Variants in ZNF676 observed in about 807,000 individuals in gnomAD.
ZNF676 encodes zinc finger protein 676.
In ZNF676, 4 loss-of-function variants were observed where a neutral mutation model predicts 6.0. The ratio of observed to expected loss-of-function variants is 0.67; its 90% confidence interval spans 0.33 to 1.53. The LOEUF (loss-of-function observed/expected upper bound fraction) is 1.53. ZNF676 is among the 40% of genes most tolerant of loss of function. The pLI is 0.06. For missense variants in ZNF676, 644 were observed against 679.7 expected (o/e 0.95, Z 0.58); for synonymous variants, 198 against 223.1 (o/e 0.89, Z 1.00).
intron 1 of ZNF676, among the ~76,000 whole-genome samples, chr19:22,194,633 T>A (rs1406679182): frequency 6.6e-6 from 1 of 152,092 alleles, no homozygotes; most frequent in Admixed American, 6.6e-5. Context: ...CAGGATTCTG[T>A]CCTCGCTGTA....
In ZNF676 at chr19:22,196,824, T is replaced by C; in HGVS notation, c.-191A>G. On this transcript the variant is annotated 5_prime_UTR_variant, in exon 1 of 3. Coordinates refer to ENST00000397121, the MANE Select transcript of ZNF676 (RefSeq NM_001001411.3). ...AATGGAGAGAGTAGAGAGAGCTGGT[T>C]CTGACTTATATGAATGACTGAAATT... 8.9e-7 allele frequency: 1 copy of C among 1,121,404 alleles called. No individual in the cohort carries two copies. The highest frequency in any genetic ancestry group is 1.3e-6 in the Non-Finnish European group (1 of 767,824). The allele number at this position is 1,121,404 out of a possible 1,614,324, so 69.5% of individuals were successfully genotyped here. A position where few individuals can be genotyped will look rare whatever the true frequency, so the allele number is the denominator to read the frequency against.
the ZNF676 span, among the ~76,000 whole-genome samples, chr19:22,228,879 T>C: frequency 6.6e-6 from 1 of 152,132 alleles, no homozygotes. Flanking sequence ...TGGAAGAACA[T>C]TCCATGCTCA....
At chr19:22,205,227 A>G (rs2024065116) in intron 1 of ZNF676, among the ~76,000 whole-genome samples, 1 of 152,190 alleles carries the variant, frequency 6.6e-6, no homozygotes, top group Non-Finnish European at 1.5e-5. Context: ...TACATCTCAC[A>G]GGCACTAATG....
intron 1 of ZNF676, among the ~76,000 whole-genome samples, chr19:22,202,127 G>A (rs1471404476): frequency 2.6e-5 from 4 of 152,006 alleles, no homozygotes; most frequent in African/African-American, 9.7e-5. Flanking sequence ...AGCAGCAGGT[G>A]GTATCTGAAT....
the ZNF676 span, among the ~76,000 whole-genome samples, chr19:22,254,829 A>G: frequency 3.3e-5 from 5 of 152,198 alleles, no homozygotes; most frequent in Non-Finnish European, 5.9e-5. Flanking sequence ...CCCTCTGTGG[A>G]AAGTGCTAAG....
At chr19:22,242,448 G>A in the ZNF676 span, among the ~76,000 whole-genome samples, 2 of 151,960 alleles carry the variant, frequency 1.3e-5, no homozygotes, top group African/African-American at 4.9e-5. Flanking sequence ...TATTTCTTGG[G>A]TCATGATGCA....
the ZNF676 span, among the ~76,000 whole-genome samples, chr19:22,251,809 G>T: frequency 6.0e-5 from 9 of 148,816 alleles, no homozygotes; most frequent in African/African-American, 2.0e-4. Flanking sequence ...AAAAAATCCG[G>T]ATCACTAATC....
chr19:22,229,788 A>C, the ZNF676 span, among the ~76,000 whole-genome samples: 2 of 152,222 alleles, frequency 1.3e-5, no homozygotes, highest in Admixed American at 1.3e-4. Flanking sequence ...GTAAATCAAA[A>C]TCACAATGAG....
chr19:22,246,011 G>T, the ZNF676 span, among the ~76,000 whole-genome samples: 1 of 152,068 alleles, frequency 6.6e-6, no homozygotes, highest in South Asian at 2.1e-4. Flanking sequence ...CTAGGTGTTT[G>T]TCTCAGCCAT....
At chr19:22,208,242 G>C (rs991548738) in intron 1 of ZNF676, among the ~76,000 whole-genome samples, 1 of 143,890 alleles carries the variant, frequency 6.9e-6, no homozygotes, top group Non-Finnish European at 1.5e-5. Context: ...ACTAAAACAA[G>C]TTTACAAGAA....
At chr19:22,200,560 G>A (rs2360002), upstream of ZNF676, among the ~76,000 whole-genome samples, 52,120 of 137,266 alleles carry the variant, frequency 0.38, 9,919 homozygotes, top group African/African-American at 0.43. Context: ...ACTTTGTTGC[G>A]GAGGCTGGAG....
upstream of ZNF676, among the ~76,000 whole-genome samples, chr19:22,219,861 G>A (rs2024229995): frequency 6.6e-6 from 1 of 151,894 alleles, no homozygotes; most frequent in Admixed American, 6.6e-5. Context: ...CACCATGTTG[G>A]CCAAGCTGAT....
the ZNF676 span, among the ~76,000 whole-genome samples, chr19:22,253,421 A>ATAT: frequency 1.8e-5 from 1 of 55,030 alleles, no homozygotes; most frequent in South Asian, 9.2e-4. Flanking sequence ...TATATATGAT[A>ATAT]ATGTATATAT....
At chr19:22,197,688 C>G (rs548308811), upstream of ZNF676, among the ~76,000 whole-genome samples, 1 of 152,140 alleles carries the variant, frequency 6.6e-6, no homozygotes, top group East Asian at 1.9e-4. Context: ...GGGCAGCTGT[C>G]AGATTAAATG....
intron 1 of ZNF676, among the ~76,000 whole-genome samples, chr19:22,206,970 A>G (rs2024083119): frequency 6.6e-6 from 1 of 152,210 alleles, no homozygotes; most frequent in Non-Finnish European, 1.5e-5. Context: ...ATCTATGACA[A>G]ATCCACAGCC....
At chr19:22,205,561 T>G (rs2024069162) in intron 1 of ZNF676, among the ~76,000 whole-genome samples, 1 of 152,160 alleles carries the variant, frequency 6.6e-6, no homozygotes, top group South Asian at 2.1e-4. Flanking sequence ...AATAACTTTT[T>G]TGGTAAATAA....
the ZNF676 span, among the ~76,000 whole-genome samples, chr19:22,225,600 C>G: frequency 2.0e-5 from 3 of 151,072 alleles, no homozygotes; most frequent in Non-Finnish European, 4.4e-5. Flanking sequence ...CATAGCATCA[C>G]CAATAGATCT....
chr19:22,249,321 T>A, the ZNF676 span, among the ~76,000 whole-genome samples: 1 of 152,242 alleles, frequency 6.6e-6, no homozygotes, highest in African/African-American at 2.4e-5. Flanking sequence ...GAGCAAGTTT[T>A]GGAAGGTTTG....
At chr19:22,197,318 C>CA (rs35429094), upstream of ZNF676, among the ~76,000 whole-genome samples, 441 of 109,528 alleles carry the variant, frequency 4.0e-3, 2 homozygotes, top group Middle Eastern at 0.029. Context: ...AACTCCATCT[C>CA]AAAAAAAAAA....
Sources: allele counts gnomAD v4.1 joint callset (sites outside exome capture counted in the v4.1 genomes callset), GRCh38; gene constraint gnomAD v4.1.1; transcripts MANE v1.5; gene names NCBI Gene and HGNC (gene_info 2026-07-23, HGNC 2026-07-21).